The following RIMS3 variants were observed in gnomAD, a reference collection of about 807,000 sequenced individuals.
RIMS3 encodes regulating synaptic membrane exocytosis protein 3.
A neutral mutation model predicts 29.2 loss-of-function variants in RIMS3; 15 were observed. The ratio of observed to expected loss-of-function variants is 0.51; its 90% CI spans 0.34 to 0.79. The LOEUF is 0.79. Among genes scored for constraint, RIMS3 ranks in the 30% least tolerant of loss-of-function variants. RIMS3 has a pLI of 0.01. For missense variants in RIMS3, 342 were observed against 421.4 expected, an observed-to-expected ratio of 0.81 and a Z score of 1.65; for synonymous variants, 161 against 170.1, an observed-to-expected ratio of 0.95 and a Z score of 0.41.
In RIMS3 at chr1:40,654,686, A is replaced by T. The variant is rs898279930; in HGVS notation, c.-206-6844T>A. ...ACACACAAACTCGCACGCTGCAGAAAAACTCCCTCGCAGAGAACTGCAGAC... is the reference window on the plus strand; with the variant it reads ...ACACACAAACTCGCACGCTGCAGAATAACTCCCTCGCAGAGAACTGCAGAC... On this transcript the variant is annotated intron_variant, in intron 1 of 7. Transcript: ENST00000372684. The surrounding 1 kb of genome is among the most constrained non-coding windows in gnomAD (Gnocchi z 5.3). Among the ~76,000 whole-genome samples, 6 of 152,036 alleles carry T rather than the reference A, an allele frequency of 3.9e-5. No homozygotes were observed. Among genetic ancestry groups the T allele is most frequent in the Non-Finnish European group, 8.8e-5 (6 of 68,006 alleles).
upstream of RIMS3, among the ~76,000 whole-genome samples, chr1:40,666,717 C>T (rs974466671): frequency 6.6e-6 from 1 of 152,130 alleles, no homozygotes; most frequent in African/African-American, 2.4e-5. Flanking sequence ...AGTCTCCCTG[C>T]TGAGGGCATG....
the RIMS3 span, among the ~76,000 whole-genome samples, chr1:40,680,761 A>AT: frequency 6.6e-6 from 1 of 152,226 alleles, no homozygotes; most frequent in East Asian, 1.9e-4. Flanking sequence ...ATTCCATTCC[A>AT]TTTTAAAAAT....
intron 3 of RIMS3, among the ~76,000 whole-genome samples, chr1:40,640,807 G>A (rs1209368120): frequency 6.6e-6 from 1 of 152,182 alleles, no homozygotes; most frequent in African/African-American, 2.4e-5. Flanking sequence ...CTGTTAAGGT[G>A]TGTGTGAATG....
intron 3 of RIMS3, among the ~76,000 whole-genome samples, chr1:40,640,554 G>T (rs1646549275): frequency 6.6e-6 from 1 of 152,182 alleles, no homozygotes; most frequent in Non-Finnish European, 1.5e-5. Flanking sequence ...CCATCCAGCT[G>T]CCTATTTGAA....
the RIMS3 span, among the ~76,000 whole-genome samples, chr1:40,676,256 T>G: frequency 3.3e-5 from 5 of 152,206 alleles, no homozygotes; most frequent in Admixed American, 3.3e-4. Context: ...AGCCTCGGTC[T>G]GACTAGATTG....
At chr1:40,657,565 G>A (rs979913955) in intron 1 of RIMS3, among the ~76,000 whole-genome samples, 1 of 152,026 alleles carries the variant, frequency 6.6e-6, no homozygotes, top group Non-Finnish European at 1.5e-5. Context: ...GGGCAACAGG[G>A]TGAAACCCTG....
Position 40,625,522 on chromosome 1 carries a change from T to C in RIMS3, c.*995A>G, listed in dbSNP as rs1646447701. The C allele has an allele frequency of 6.6e-6, 1 of 152,318 alleles. No individual in the cohort carries two copies. Among genetic ancestry groups the C allele is most frequent in the Non-Finnish European group, 1.5e-5 (1 of 68,140 alleles). The allele number at this position is 152,318 out of a possible 1,614,324, so 9.4% of individuals were successfully genotyped here. Reference sequence around the variant, plus strand: ...AACAACTCAGCCTCAGCCCTCCTTATTCCAGCAAACAGCCCTACCCACAGA... The same window carrying C: ...AACAACTCAGCCTCAGCCCTCCTTACTCCAGCAAACAGCCCTACCCACAGA... On this transcript the variant is annotated 3_prime_UTR_variant, in exon 8 of 8. Transcript: ENST00000372684.
intron 2 of RIMS3, among the ~76,000 whole-genome samples, chr1:40,642,194 C>T (rs850010): frequency 0.14 from 21,450 of 152,158 alleles, 1,718 homozygotes; most frequent in African/African-American, 0.21. Flanking sequence ...TGGAGAGGAC[C>T]GAGGCTGTGG....
At chr1:40,664,714 T>G (rs1322272279) in intron 1 of RIMS3, among the ~76,000 whole-genome samples, 1 of 152,114 alleles carries the variant, frequency 6.6e-6, no homozygotes, top group African/African-American at 2.4e-5. Context: ...AGGGCTGAGT[T>G]GTCCAGAGGT....
At chr1:40,691,586 C>T in the RIMS3 span, 4 of 340,186 alleles carry the variant, frequency 1.2e-5, no homozygotes, top group East Asian at 3.9e-4. Flanking sequence ...CATTCCGCCT[C>T]CCTCTGTCGT....
At chr1:40,644,459 G>A (rs1231371364) in intron 2 of RIMS3, among the ~76,000 whole-genome samples, 1 of 152,164 alleles carries the variant, frequency 6.6e-6, no homozygotes, top group African/African-American at 2.4e-5. Flanking sequence ...AGTGAGTCAG[G>A]CCAACTTGGT....
At chr1:40,638,453 T>C (rs1247852165) in intron 3 of RIMS3, among the ~76,000 whole-genome samples, 1 of 152,202 alleles carries the variant, frequency 6.6e-6, no homozygotes, top group African/African-American at 2.4e-5. Context: ...TTGCTTGCAA[T>C]AATTCTATGG....
intron 1 of RIMS3, among the ~76,000 whole-genome samples, chr1:40,648,659 C>A (rs1646610587): frequency 6.6e-6 from 1 of 152,140 alleles, no homozygotes; most frequent in Non-Finnish European, 1.5e-5. Flanking sequence ...AAAGGATTGT[C>A]CAGTTGTTAG....
In RIMS3 at chr1:40,621,279, G is replaced by C. The variant is rs1646419148; in HGVS notation, c.*5238C>G. On this transcript the variant is annotated 3_prime_UTR_variant, in exon 8 of 8. Coordinates refer to ENST00000372684, the MANE Select transcript of RIMS3 (RefSeq NM_014747.3). ...CTGTTGGGGACACTGACTTACTCAG[G>C]ATGTAGCGGAGGTTGTGACATCACA... The C allele has an allele frequency of 6.6e-6, 1 of 152,240 alleles. No homozygotes were observed. The highest frequency in any genetic ancestry group is 1.5e-5 in the Non-Finnish European group (1 of 68,050). The allele number at this position is 152,240 out of a possible 1,614,324, so 9.4% of individuals were successfully genotyped here.
At chr1:40,651,278 C>T (rs1284510162) in intron 1 of RIMS3, among the ~76,000 whole-genome samples, 3 of 152,122 alleles carry the variant, frequency 2.0e-5, no homozygotes, top group African/African-American at 7.2e-5. Context: ...AAGGTGGCCA[C>T]GTGAAGACAG....
At chr1:40,674,975 GT>G in the RIMS3 span, among the ~76,000 whole-genome samples, 131 of 152,294 alleles carry the variant, frequency 8.6e-4, 1 homozygote, top group Middle Eastern at 0.01. Flanking sequence ...GAAAGACATT[GT>G]TGTCCCAGGC....
intron 5 of RIMS3, among the ~76,000 whole-genome samples, chr1:40,629,641 T>C (rs1163072122): frequency 1.3e-5 from 2 of 152,074 alleles, no homozygotes; most frequent in African/African-American, 4.8e-5. Context: ...CAAACCCCCA[T>C]TTGTGTCTGG....
At position 40,636,393 on chromosome 1, in the gene RIMS3, C is replaced by T. The variant is rs1173309542; in HGVS notation, c.218-336G>A. 6.6e-6 allele frequency among the ~76,000 whole-genome samples: 1 copy of T among 152,206 alleles called. No individual in the cohort carries two copies. The highest frequency in any genetic ancestry group is 1.5e-5 in the Non-Finnish European group (1 of 68,032). On this transcript the variant is annotated intron_variant, in intron 3 of 7. Transcript: ENST00000372684. The surrounding 1 kb of genome is among the most constrained non-coding windows in gnomAD (Gnocchi z 4.2). ...CTCCCCTGACGCCCACCTTCCCACT[C>T]GATTTCAGCCCTTGCCCCAAAGGTT...
chr1:40,669,865 C>T (rs1317881399), upstream of RIMS3, among the ~76,000 whole-genome samples: 2 of 152,204 alleles, frequency 1.3e-5, no homozygotes, highest in African/African-American at 4.8e-5. Flanking sequence ...TGCTTTCTCA[C>T]CCCAGTTCAA....
Sources: allele counts gnomAD v4.1 joint callset (sites outside exome capture counted in the v4.1 genomes callset), GRCh38; gene constraint gnomAD v4.1.1; non-coding constraint Gnocchi (gnomAD v3.1); transcripts MANE v1.5; gene names NCBI Gene and HGNC (gene_info 2026-07-23, HGNC 2026-07-21).